Variants in EYS observed in about 807,000 individuals in gnomAD.
EYS encodes the protein protein eyes shut homolog.
In EYS, 250 loss-of-function variants were observed where a neutral mutation model predicts 282.1. The observed-to-expected ratio is 0.89, with a 90% CI of 0.80 to 0.98. The LOEUF (loss-of-function observed/expected upper bound fraction) is 0.98. Ranked by LOEUF, EYS falls within the 50% of genes least tolerant of loss-of-function variation. The pLI is 0.00. For missense variants in EYS, 4,016 were observed against 3,709.0 expected (o/e 1.08, Z -2.15); for synonymous variants, 1,355 against 1,282.9 (o/e 1.06, Z -1.20).
At chr6:63,749,397 G>A (rs993459654) in intron 41 of EYS, among the ~76,000 whole-genome samples, 1 of 152,154 alleles carries the variant, frequency 6.6e-6, no homozygotes. Context: ...AGTATCTTAT[G>A]TCTGATTATG....
intron 12 of EYS, among the ~76,000 whole-genome samples, chr6:65,203,548 C>T (rs545359134): frequency 6.6e-6 from 1 of 152,258 alleles, no homozygotes; most frequent in African/African-American, 2.4e-5. Context: ...ACATGTGCAA[C>T]AGTCACACTC....
At chr6:65,285,158 T>C (rs1768326445) in intron 12 of EYS, among the ~76,000 whole-genome samples, 1 of 152,058 alleles carries the variant, frequency 6.6e-6, no homozygotes, top group Admixed American at 6.6e-5. Context: ...ATTTAAAACA[T>C]CAAATAAACC....
At chr6:63,892,686 T>C (rs184966693) in intron 35 of EYS, among the ~76,000 whole-genome samples, 4 of 152,292 alleles carry the variant, frequency 2.6e-5, no homozygotes, top group Admixed American at 2.0e-4. Flanking sequence ...ACTTCATGAC[T>C]GAAACACCAA....
chr6:64,459,858 CA>C (rs1251891081), intron 26 of EYS, among the ~76,000 whole-genome samples: 15 of 152,014 alleles, frequency 9.9e-5, no homozygotes, highest in African/African-American at 3.4e-4. Context: ...CTCTCATAGA[CA>C]CACCCAAGAA....
At chr6:63,991,592 G>T (rs1053469727) in intron 34 of EYS, among the ~76,000 whole-genome samples, 1 of 151,426 alleles carries the variant, frequency 6.6e-6, no homozygotes, top group Non-Finnish European at 1.5e-5. Flanking sequence ...TCAACGGCAG[G>T]CTTGGTCAAG....
intron 28 of EYS, 111 bp downstream of exon 28, chr6:64,436,063 C>T: frequency 2.1e-6 from 1 of 476,060 alleles, no homozygotes; most frequent in Non-Finnish European, 3.6e-6. Context: ...TACACATGCA[C>T]ATGTTAATAC....
chr6:63,917,151 C>A (rs951942867), intron 35 of EYS, among the ~76,000 whole-genome samples: 1 of 152,212 alleles, frequency 6.6e-6, no homozygotes, highest in Non-Finnish European at 1.5e-5. Flanking sequence ...CATGTGTACA[C>A]GTGCACGCGC....
intron 30 of EYS, among the ~76,000 whole-genome samples, chr6:64,260,081 G>T (rs1289524876): frequency 6.6e-6 from 1 of 152,018 alleles, no homozygotes; most frequent in Non-Finnish European, 1.5e-5. Context: ...TCTGGCCAAT[G>T]AAATATGTGA....
At chr6:65,256,274 CTTTTTT>C (rs899224134) in intron 12 of EYS, among the ~76,000 whole-genome samples, 1 of 125,634 alleles carries the variant, frequency 8.0e-6, no homozygotes, top group Non-Finnish European at 1.6e-5. Flanking sequence ...TTTTTTTTTT[CTTTTTT>C]TTTTTTAATT....
chr6:65,202,725 A>G (rs1368852207), intron 12 of EYS, among the ~76,000 whole-genome samples: 2 of 152,110 alleles, frequency 1.3e-5, no homozygotes, highest in Non-Finnish European at 2.9e-5. Context: ...CACCATCGAG[A>G]TGCCTAGAAT....
chr6:65,235,962 C>G (rs1766912658), intron 12 of EYS, among the ~76,000 whole-genome samples: 1 of 151,850 alleles, frequency 6.6e-6, no homozygotes, highest in East Asian at 1.9e-4. Flanking sequence ...ATTTCTTAGG[C>G]TTACATATGT....
intron 22 of EYS, among the ~76,000 whole-genome samples, chr6:64,667,809 A>G (rs1187399264): frequency 6.6e-6 from 1 of 152,156 alleles, no homozygotes; most frequent in African/African-American, 2.4e-5. Context: ...ACACAAATAT[A>G]TGATAATAAA....
chr6:64,851,762 T>C (rs2224745), intron 19 of EYS, among the ~76,000 whole-genome samples: 150,524 of 152,132 alleles, frequency 0.99, 74,472 homozygotes, highest in Middle Eastern at 1. Context: ...CACATGGACA[T>C]ATACAGGGGA....
At chr6:65,276,548 T>C (rs1461737752) in intron 12 of EYS, among the ~76,000 whole-genome samples, 1 of 152,136 alleles carries the variant, frequency 6.6e-6, no homozygotes, top group African/African-American at 2.4e-5. Context: ...TAGAGTAGAT[T>C]GGTCTACTGT....
chr6:64,598,704 A>G (rs651716), intron 24 of EYS, among the ~76,000 whole-genome samples: 18,640 of 152,220 alleles, frequency 0.12, 1,182 homozygotes, highest in East Asian at 0.17. Context: ...AAGTGCCAGT[A>G]ACTGTTGTAA....
chr6:65,190,532 C>G (rs1434827738), intron 12 of EYS, among the ~76,000 whole-genome samples: 1 of 151,364 alleles, frequency 6.6e-6, no homozygotes, highest in Non-Finnish European at 1.5e-5. Flanking sequence ...GTCTTTATAA[C>G]CATTTGCTAT....
At chr6:64,366,721 T>C (rs929279387) in intron 29 of EYS, among the ~76,000 whole-genome samples, 10 of 152,048 alleles carry the variant, frequency 6.6e-5, no homozygotes, top group Non-Finnish European at 1.5e-4. Flanking sequence ...AGTGATCTAC[T>C]GGCAGAAAAA....
At chr6:64,280,269 T>C (rs1291913613) in intron 30 of EYS, among the ~76,000 whole-genome samples, 1 of 152,184 alleles carries the variant, frequency 6.6e-6, no homozygotes, top group Non-Finnish European at 1.5e-5. Flanking sequence ...TCGATCATCC[T>C]GTGAACAAAT....
intron 35 of EYS, among the ~76,000 whole-genome samples, chr6:63,960,168 A>T (rs1765997073): frequency 6.6e-6 from 1 of 152,174 alleles, no homozygotes; most frequent in Non-Finnish European, 1.5e-5. Flanking sequence ...GGTTCATGGG[A>T]AAAGGTCAAA....
Sources: allele counts gnomAD v4.1 joint callset (sites outside exome capture counted in the v4.1 genomes callset), GRCh38; gene constraint gnomAD v4.1.1; transcripts MANE v1.5; gene names NCBI Gene and HGNC (gene_info 2026-07-23, HGNC 2026-07-21).